The following ZNF652 variants were observed in gnomAD, a reference collection of about 807,000 sequenced individuals.
ZNF652 encodes zinc finger protein 652.
In ZNF652, 16 loss-of-function variants were observed where a neutral mutation model predicts 45.2. The observed-to-expected ratio is 0.35, with a 90% CI of 0.24 to 0.54. The LOEUF (loss-of-function observed/expected upper bound fraction) is 0.54. Ranked by LOEUF, ZNF652 falls within the 20% of genes least tolerant of loss-of-function variation. ZNF652 has a pLI of 0.91. For synonymous variants in ZNF652, 250 were observed against 260.6 expected (o/e 0.96, Z 0.39); for missense variants, 614 against 765.6 (o/e 0.80, Z 2.34).
chr17:49,317,530 T>C lies in ZNF652; in HGVS notation c.196A>G (p.Lys66Glu), dbSNP rs200588876. 3.1e-6 allele frequency: 5 copies of C among 1,614,038 alleles called. No homozygotes were observed. The African/African-American group carries it at 5.3e-5, about 17-fold the overall frequency. ...TCATGGAGATGCGGTTTGCTCATCTTGGTGTCCACTAACACAGAATAAGGA... is the reference window on the plus strand; with the variant it reads ...TCATGGAGATGCGGTTTGCTCATCTCGGTGTCCACTAACACAGAATAAGGA... ...GSPYSVLVDT[K>E]MSKPHLHETE... The change falls in exon 2 of 6, where the codon AAG (lysine) becomes GAG (glutamate). Residue 66 changes from lysine to glutamate, a missense_variant. Physicochemically the swap from Lys to Glu is moderately conservative, Grantham distance 56. Coordinates refer to ENST00000430262, the MANE Select transcript of ZNF652 (RefSeq NM_001145365.3).
chr17:49,341,613 G>A (rs1415148007), intron 1 of ZNF652, among the ~76,000 whole-genome samples: 1 of 151,766 alleles, frequency 6.6e-6, no homozygotes, highest in Non-Finnish European at 1.5e-5. Flanking sequence ...CCAGTGAGCT[G>A]TGACCACACC....
intron 1 of ZNF652, among the ~76,000 whole-genome samples, chr17:49,354,869 G>T (rs891089268): frequency 6.6e-6 from 1 of 151,932 alleles, no homozygotes; most frequent in Non-Finnish European, 1.5e-5. Context: ...GGAATTACAG[G>T]CATGCACCAC....
intron 1 of ZNF652, among the ~76,000 whole-genome samples, chr17:49,319,173 G>GT (rs2069852399): frequency 6.6e-6 from 1 of 152,166 alleles, no homozygotes; most frequent in African/African-American, 2.4e-5. Flanking sequence ...ATCCTCTTGA[G>GT]TCATATGAAT....
intron 5 of ZNF652, among the ~76,000 whole-genome samples, chr17:49,299,316 A>C (rs2069520557): frequency 6.6e-6 from 1 of 152,214 alleles, no homozygotes; most frequent in African/African-American, 2.4e-5. Flanking sequence ...TTCTGTGCTC[A>C]AGGAAATATC....
downstream of ZNF652, among the ~76,000 whole-genome samples, chr17:49,288,686 T>C (rs947336046): frequency 3.2e-4 from 49 of 152,334 alleles, no homozygotes; most frequent in Non-Finnish European, 5.3e-4. Flanking sequence ...GCCAGATCAA[T>C]GTCCAGCACG....
chr17:49,351,014 T>TATACAC (rs2070273379), intron 1 of ZNF652, among the ~76,000 whole-genome samples: 31 of 29,596 alleles, frequency 1.0e-3, no homozygotes, highest in Admixed American at 2.1e-3. Context: ...TATATATATA[T>TATACAC]ACACACACAC....
chr17:49,308,673 G>A (rs559245227), intron 5 of ZNF652, among the ~76,000 whole-genome samples: 3 of 151,924 alleles, frequency 2.0e-5, no homozygotes, highest in South Asian at 2.1e-4. Context: ...ACGGTGGTGC[G>A]CACCTGTAGT....
Position 49,362,161 on chromosome 17 carries a change from C to G in ZNF652, c.-511G>C, listed in dbSNP as rs1027497399. The G allele has an allele frequency of 6.7e-6, 1 of 150,086 alleles. No individual in the cohort carries two copies. Among genetic ancestry groups the G allele is most frequent in the Non-Finnish European group, 1.5e-5 (1 of 67,022 alleles). 9.3% of individuals were successfully genotyped at this position (150,086 alleles called of 1,614,324 possible). A position where few individuals can be genotyped will look rare whatever the true frequency, so the allele number is the denominator to read the frequency against. ...CCCAGCGCGCGAGGGCGAGCGGGGC[C>G]GGCGGGGCGGGCAGCGCGGGGCGGG... On this transcript the variant is annotated 5_prime_UTR_variant, in exon 1 of 6. Transcript: ENST00000430262.
At chr17:49,332,411 A>T (rs1369410383) in intron 1 of ZNF652, among the ~76,000 whole-genome samples, 2 of 152,238 alleles carry the variant, frequency 1.3e-5, no homozygotes, top group African/African-American at 4.8e-5. Context: ...CCAACAGAAA[A>T]AGACAAATTG....
rs746090207 is a variant in ZNF652, at chr17:49,317,280, G to C, written c.446C>G (p.Thr149Arg). The C allele has an allele frequency of 1.9e-6, 3 of 1,612,562 alleles. No homozygotes were observed. The highest frequency in any genetic ancestry group is 2.5e-6 in the Non-Finnish European group (3 of 1,179,966). ...CTCTTCCTCTTCCTCCTCACTGCTTGTCTTAAGAACAGGAGTCTCTTTGGA... is the reference window on the plus strand; with the variant it reads ...CTCTTCCTCTTCCTCCTCACTGCTTCTCTTAAGAACAGGAGTCTCTTTGGA... ...SQSKETPVLKTSSEEEEEESE... is the reference protein window; with the variant it reads ...SQSKETPVLKRSSEEEEEESE... Residue 149 changes from threonine (T) to arginine (R), a missense_variant, in exon 2 of 6, where the codon ACA becomes AGA. Thr to Arg is a moderately conservative substitution (Grantham distance 71). Coordinates refer to ENST00000430262, the MANE Select transcript of ZNF652 (RefSeq NM_001145365.3).
chr17:49,339,038 A>C (rs2070114263), intron 1 of ZNF652, among the ~76,000 whole-genome samples: 1 of 152,084 alleles, frequency 6.6e-6, no homozygotes. Context: ...CATAATGGTT[A>C]AGGGCTCAGA....
At chr17:49,329,492 A>G (rs945976498) in intron 1 of ZNF652, among the ~76,000 whole-genome samples, 1 of 152,204 alleles carries the variant, frequency 6.6e-6, no homozygotes, top group Non-Finnish European at 1.5e-5. Context: ...CAAATGTCAT[A>G]TATCACTGGG....
intron 5 of ZNF652, among the ~76,000 whole-genome samples, chr17:49,305,368 A>C (rs1355090827): frequency 6.6e-6 from 1 of 152,192 alleles, no homozygotes; most frequent in East Asian, 1.9e-4. Context: ...AATCGCTTGA[A>C]CCTGGGAGGC....
At chr17:49,360,889 G>C (rs2070385350) in intron 1 of ZNF652, among the ~76,000 whole-genome samples, 4 of 152,150 alleles carry the variant, frequency 2.6e-5, no homozygotes, top group Non-Finnish European at 5.9e-5. Context: ...GCATCACTCA[G>C]GTGTTCCTGA....
rs961302732 is a variant in ZNF652 at position 49,304,957 on chromosome 17, T to C, written c.1310-6033A>G. On this transcript the variant is annotated intron_variant, in intron 5 of 5. Coordinates refer to ENST00000430262, the MANE Select transcript of ZNF652 (RefSeq NM_001145365.3). ...ACATATATACATCTAACTGAAATCTTTCTTGAACTTTAAACCCATTTTTCA... is the reference window on the plus strand; with the variant it reads ...ACATATATACATCTAACTGAAATCTCTCTTGAACTTTAAACCCATTTTTCA... Among the ~76,000 whole-genome samples, 13 of 151,956 alleles carry C rather than the reference T, an allele frequency of 8.6e-5. No individual in the cohort carries two copies. The South Asian group carries it at 2.7e-3, about 32-fold the overall frequency.
In ZNF652 at chr17:49,298,266, C is replaced by T. The variant is rs940031840; in HGVS notation, c.*147G>A. 2.0e-6 allele frequency: 2 copies of T among 1,007,988 alleles called. No homozygotes were observed. Among genetic ancestry groups the T allele is most frequent in the Non-Finnish European group, 2.9e-6 (2 of 701,630 alleles). 62.4% of individuals were successfully genotyped at this position (1,007,988 alleles called of 1,614,324 possible). On this transcript the variant is annotated 3_prime_UTR_variant, in exon 6 of 6. Transcript: ENST00000430262. ...TCAAGGTAGTCTTCTTGTTCATTCC[C>T]TTGGATCTGTTGATTCAGTGACACT...
chr17:49,321,422 C>CTTTTTTTTTT (rs11350404), intron 1 of ZNF652, among the ~76,000 whole-genome samples: 1,607 of 73,432 alleles, frequency 0.022, 6 homozygotes, highest in African/African-American at 0.023. Flanking sequence ...CACCACCACG[C>CTTTTTTTTTT]TTTTTTTTTT....
intron 1 of ZNF652, among the ~76,000 whole-genome samples, chr17:49,318,983 T>G (rs2069849470): frequency 6.6e-6 from 1 of 152,312 alleles, no homozygotes; most frequent in South Asian, 2.1e-4. Flanking sequence ...ATTCACTCAG[T>G]AAGTCGGTGA....
intron 5 of ZNF652, among the ~76,000 whole-genome samples, chr17:49,308,049 A>G (rs1057069810): frequency 6.6e-6 from 1 of 152,196 alleles, no homozygotes; most frequent in Non-Finnish European, 1.5e-5. Flanking sequence ...GTGTGTTAAG[A>G]AACTGAAGAA....
Sources: allele counts gnomAD v4.1 joint callset (sites outside exome capture counted in the v4.1 genomes callset), GRCh38; gene constraint gnomAD v4.1.1; transcripts MANE v1.5; gene names NCBI Gene and HGNC (gene_info 2026-07-23, HGNC 2026-07-21).